The following UCK2 variants were observed in gnomAD, a reference collection of about 807,000 sequenced individuals.
The protein encoded by UCK2 is uridine-cytidine kinase 2, also known as cytidine monophosphokinase 2.
UCK2 carries 6 observed loss-of-function variants against 30.8 expected under a neutral mutation model. That is an observed-to-expected ratio of 0.19 (90% CI 0.11 to 0.38). The LOEUF (loss-of-function observed/expected upper bound fraction) is 0.38. UCK2 is among the 10% of genes least tolerant of loss of function. UCK2 has a pLI of 1.00. For synonymous variants in UCK2, 125 were observed against 133.6 expected (o/e 0.94, Z 0.45); for missense variants, 210 against 339.8 (o/e 0.62, Z 3.00).
Position 165,833,143 on chromosome 1 carries a change from C to A in UCK2, c.99+5211C>A, listed in dbSNP as rs982146039. On this transcript the variant is annotated intron_variant, in intron 1 of 6. Transcript: ENST00000367879. Reference sequence around the variant, plus strand: ...TCTGTTCTGGAACCTTGGTCGCCATCCCCATCCAGCCAGATCACGTATTCC... The same window carrying A: ...TCTGTTCTGGAACCTTGGTCGCCATACCCATCCAGCCAGATCACGTATTCC... 2.6e-5 allele frequency among the ~76,000 whole-genome samples: 4 copies of A among 152,288 alleles called. No individual in the cohort carries two copies. In the South Asian group the frequency reaches 8.3e-4, roughly 32 times the overall value.
At chr1:165,902,569 G>A (rs1306394011) in intron 4 of UCK2, 1 of 114,216 alleles carries the variant, frequency 8.8e-6, no homozygotes, top group Non-Finnish European at 1.9e-5. Context: ...CTAGGCCATG[G>A]TTTTCTTATC....
chr1:165,890,471 C>G (rs1655738403), intron 2 of UCK2, 108 bp downstream of exon 2: 1 of 1,161,966 alleles, frequency 8.6e-7, no homozygotes, highest in Non-Finnish European at 1.2e-6. Context: ...TTGTTTCTAT[C>G]TAGAACGTAG....
intron 1 of UCK2, among the ~76,000 whole-genome samples, chr1:165,857,173 A>G (rs895692442): frequency 6.6e-6 from 1 of 152,124 alleles, no homozygotes; most frequent in Admixed American, 6.5e-5. Flanking sequence ...AGACTCAGAG[A>G]GGAAGTGCCT....
At chr1:165,888,175 T>TTTG (rs199604527) in intron 1 of UCK2, among the ~76,000 whole-genome samples, 4 of 152,300 alleles carry the variant, frequency 2.6e-5, no homozygotes, top group East Asian at 1.9e-4. Context: ...ATTTCATATT[T>TTTG]TTGTTGTTGT....
chr1:165,861,033 A>C lies in UCK2; in HGVS notation c.100-29171A>C, dbSNP rs548356152. Among the ~76,000 whole-genome samples, 5 of 152,316 alleles carry C rather than the reference A, an allele frequency of 3.3e-5. No individual in the cohort carries two copies. The South Asian group carries it at 1.0e-3, about 32-fold the overall frequency. On this transcript the variant is annotated intron_variant, in intron 1 of 6. Transcript: ENST00000367879. ...TTTATAGCTCACAATTCTGGAGTCT[A>C]TGAGGCCCAAGTTCAAGGCACCAGT...
At chr1:165,879,087 C>T (rs547609256) in intron 1 of UCK2, among the ~76,000 whole-genome samples, 1 of 152,292 alleles carries the variant, frequency 6.6e-6, no homozygotes, top group African/African-American at 2.4e-5. Flanking sequence ...TTTCCATATG[C>T]TTATATGTCA....
At chr1:165,845,227 CTGG>C (rs1654420508) in intron 1 of UCK2, among the ~76,000 whole-genome samples, 1 of 152,094 alleles carries the variant, frequency 6.6e-6, no homozygotes, top group African/African-American at 2.4e-5. Flanking sequence ...TGATTGGTTG[CTGG>C]TGGGGAGAAA....
intron 4 of UCK2, among the ~76,000 whole-genome samples, chr1:165,899,260 A>G (rs747922896): frequency 1.3e-5 from 2 of 152,118 alleles, no homozygotes; most frequent in Non-Finnish European, 2.9e-5. Flanking sequence ...ATTGGTTTCT[A>G]GCCTCATTTG....
At chr1:165,878,978 T>A (rs1254579710) in intron 1 of UCK2, among the ~76,000 whole-genome samples, 1 of 152,216 alleles carries the variant, frequency 6.6e-6, no homozygotes, top group Admixed American at 6.5e-5. Flanking sequence ...TGTTAGCACT[T>A]GGTGTTGTCA....
intron 1 of UCK2, among the ~76,000 whole-genome samples, chr1:165,855,236 G>A (rs74978440): frequency 2.9e-4 from 44 of 152,318 alleles, no homozygotes; most frequent in African/African-American, 1.1e-3. Flanking sequence ...TAGCTCTTGT[G>A]TATGTGAAGG....
At chr1:165,889,400 C>G (rs1394696267) in intron 1 of UCK2, among the ~76,000 whole-genome samples, 1 of 152,220 alleles carries the variant, frequency 6.6e-6, no homozygotes, top group East Asian at 1.9e-4. Context: ...TTCCAAGGCC[C>G]TGTAGCCCCT....
intron 1 of UCK2, among the ~76,000 whole-genome samples, chr1:165,888,215 C>A (rs936368025): frequency 6.6e-6 from 1 of 152,040 alleles, no homozygotes; most frequent in Admixed American, 6.6e-5. Context: ...GAAATAAATT[C>A]AATAGTAAAA....
chr1:165,846,815 G>T (rs1291425188), intron 1 of UCK2, among the ~76,000 whole-genome samples: 1 of 152,164 alleles, frequency 6.6e-6, no homozygotes, highest in African/African-American at 2.4e-5. Flanking sequence ...AATGATATCA[G>T]TGGGAATAAA....
At chr1:165,888,773 G>A (rs1189428810) in intron 1 of UCK2, among the ~76,000 whole-genome samples, 3 of 149,990 alleles carry the variant, frequency 2.0e-5, no homozygotes, top group African/African-American at 2.5e-5. Context: ...ATGGGCCACC[G>A]TGCCCGGCAG....
At chr1:165,861,857 C>T (rs1009954897) in intron 1 of UCK2, among the ~76,000 whole-genome samples, 1 of 152,120 alleles carries the variant, frequency 6.6e-6, no homozygotes, top group Non-Finnish European at 1.5e-5. Context: ...TTCACCATGC[C>T]AGTCCTGCCT....
intron 1 of UCK2, among the ~76,000 whole-genome samples, chr1:165,836,619 C>T (rs1433670726): frequency 2.0e-5 from 3 of 152,200 alleles, no homozygotes; most frequent in Non-Finnish European, 4.4e-5. Context: ...TTAAGTCATT[C>T]ATCTTCCAGT....
chr1:165,865,736 CCAAGCACTCTGAT>C (rs1439861451), intron 1 of UCK2, among the ~76,000 whole-genome samples: 1 of 152,114 alleles, frequency 6.6e-6, no homozygotes, highest in African/African-American at 2.4e-5. Context: ...CGATCACCAG[CCAAGCACTCTGAT>C]GACAGAGCTT....
At position 165,907,673 on chromosome 1, in the gene UCK2, C is replaced by T; in HGVS notation, c.647-11C>T. ...TGCACCCGTAACGCTCTGCTGGTCT[C>T]TGCCCCACAGTGGCCATCAACCTCA... On this transcript the variant is annotated splice_polypyrimidine_tract_variant and intron_variant, in intron 6 of 6. Coordinates refer to ENST00000367879, the MANE Select transcript of UCK2 (RefSeq NM_012474.5). 1.2e-6 allele frequency: 2 copies of T among 1,613,932 alleles called. No individual in the cohort carries two copies. Among genetic ancestry groups the T allele is most frequent in the Non-Finnish European group, 1.7e-6 (2 of 1,179,864 alleles).
chr1:165,842,604 C>T (rs1654357133), intron 1 of UCK2, among the ~76,000 whole-genome samples: 1 of 152,160 alleles, frequency 6.6e-6, no homozygotes, highest in Admixed American at 6.5e-5. Context: ...AATAATTTCT[C>T]CTCCCAATCC....
Sources: allele counts gnomAD v4.1 joint callset (sites outside exome capture counted in the v4.1 genomes callset), GRCh38; gene constraint gnomAD v4.1.1; transcripts MANE v1.5; gene names NCBI Gene and HGNC (gene_info 2026-07-23, HGNC 2026-07-21).